The following INPP4B variants were observed in gnomAD, a reference collection of about 807,000 sequenced individuals.
INPP4B encodes inositol polyphosphate-4-phosphatase type II B.
Under a neutral mutation model 122.5 loss-of-function variants are expected in INPP4B, and 55 were observed. The observed-to-expected ratio is 0.45, with a 90% CI of 0.36 to 0.56. The LOEUF is 0.56. Among genes scored for constraint, INPP4B ranks in the 20% least tolerant of loss-of-function variants. The pLI is 0.00. For synonymous variants in INPP4B, 403 were observed against 388.7 expected, an observed-to-expected ratio of 1.04 and a Z score of -0.43; for missense variants, 1,000 against 1,097.7, an observed-to-expected ratio of 0.91 and a Z score of 1.26.
chr4:142,775,856 G>T (rs181221966), intron 1 of INPP4B, among the ~76,000 whole-genome samples: 197 of 152,138 alleles, frequency 1.3e-3, no homozygotes, highest in African/African-American at 4.3e-3. Flanking sequence ...TTTTGCAGAT[G>T]ATATTTTGAG....
chr4:142,249,024 G>A (rs1035599202), intron 11 of INPP4B, among the ~76,000 whole-genome samples: 3 of 151,884 alleles, frequency 2.0e-5, no homozygotes, highest in Admixed American at 1.3e-4. Context: ...ACAATAGTAG[G>A]TGGTTTAACC....
intron 10 of INPP4B, among the ~76,000 whole-genome samples, chr4:142,266,460 A>G (rs1742879231): frequency 1.3e-5 from 2 of 152,306 alleles, no homozygotes; most frequent in Admixed American, 1.3e-4. Context: ...AAATTGAAAG[A>G]AAATATTTGA....
chr4:142,321,192 T>A (rs919927782), intron 7 of INPP4B, among the ~76,000 whole-genome samples: 1 of 152,154 alleles, frequency 6.6e-6, no homozygotes, highest in Non-Finnish European at 1.5e-5. Context: ...CACATTGTAG[T>A]TTTGATTTGC....
intron 7 of INPP4B, among the ~76,000 whole-genome samples, chr4:142,363,459 A>C (rs1786254012): frequency 6.6e-6 from 1 of 151,954 alleles, no homozygotes; most frequent in Admixed American, 6.6e-5. Context: ...GCTCAGATAC[A>C]TTCCTTAATG....
At chr4:142,289,877 T>C (rs1412145133) in intron 9 of INPP4B, among the ~76,000 whole-genome samples, 1 of 152,176 alleles carries the variant, frequency 6.6e-6, no homozygotes, top group Non-Finnish European at 1.5e-5. Flanking sequence ...AATCTCACAT[T>C]ATTCATGCTG....
intron 2 of INPP4B, among the ~76,000 whole-genome samples, chr4:142,666,101 A>G (rs1756004801): frequency 1.3e-5 from 2 of 152,172 alleles, no homozygotes; most frequent in Admixed American, 6.5e-5. Context: ...CAAAATCACA[A>G]AAAAGGGGGA....
intron 5 of INPP4B, among the ~76,000 whole-genome samples, chr4:142,426,222 A>T (rs1808025935): frequency 6.6e-6 from 1 of 152,000 alleles, no homozygotes; most frequent in Non-Finnish European, 1.5e-5. Flanking sequence ...ACCTTAAAGT[A>T]GTTCATAGAA....
chr4:142,787,705 T>C (rs946377192), intron 1 of INPP4B, among the ~76,000 whole-genome samples: 39 of 151,956 alleles, frequency 2.6e-4, no homozygotes, highest in African/African-American at 9.2e-4. Context: ...AAGTAGTAAG[T>C]TGGTGTTTAA....
intron 7 of INPP4B, among the ~76,000 whole-genome samples, chr4:142,356,963 C>T (rs1020521178): frequency 5.3e-5 from 8 of 151,992 alleles, no homozygotes; most frequent in African/African-American, 1.9e-4. Flanking sequence ...GTTCAGAGTG[C>T]TTCCAGGCTG....
At chr4:142,558,243 C>CACTTATT (rs1729640366) in intron 2 of INPP4B, among the ~76,000 whole-genome samples, 1 of 152,132 alleles carries the variant, frequency 6.6e-6, no homozygotes, top group Admixed American at 6.5e-5. Flanking sequence ...GTACTCAGGT[C>CACTTATT]ACTTATTGTC....
intron 15 of INPP4B, among the ~76,000 whole-genome samples, chr4:142,183,587 C>T (rs1370439153): frequency 6.6e-6 from 1 of 151,898 alleles, no homozygotes; most frequent in Non-Finnish European, 1.5e-5. Context: ...CTGTATGCTG[C>T]CTTTGCAATG....
intron 2 of INPP4B, among the ~76,000 whole-genome samples, chr4:142,685,298 G>A (rs937708930): frequency 5.8e-5 from 8 of 138,686 alleles, no homozygotes; most frequent in Admixed American, 1.6e-4. Flanking sequence ...ATAGATCCTC[G>A]TTGACTGAAG....
intron 6 of INPP4B, among the ~76,000 whole-genome samples, chr4:142,404,344 C>T (rs772136626): frequency 9.9e-5 from 15 of 152,174 alleles, no homozygotes; most frequent in Non-Finnish European, 1.6e-4. Context: ...TACAGAGAAA[C>T]TCCTCATTCA....
At chr4:142,041,805 A>G (rs1747742186) in intron 25 of INPP4B, among the ~76,000 whole-genome samples, 1 of 152,200 alleles carries the variant, frequency 6.6e-6, no homozygotes, top group Admixed American at 6.5e-5. Context: ...TAGTTCAAAC[A>G]AACAGTTCCA....
At chr4:142,738,766 T>C (rs1214855410) in intron 1 of INPP4B, among the ~76,000 whole-genome samples, 2 of 152,112 alleles carry the variant, frequency 1.3e-5, no homozygotes, top group Non-Finnish European at 2.9e-5. Context: ...TTAGCTCCAG[T>C]GTGTAGCCTT....
chr4:142,464,752 A>G (rs1288309258), intron 2 of INPP4B, among the ~76,000 whole-genome samples: 1 of 152,200 alleles, frequency 6.6e-6, no homozygotes, highest in East Asian at 1.9e-4. Flanking sequence ...TGCTATATCA[A>G]ACTTTCACCA....
intron 18 of INPP4B, among the ~76,000 whole-genome samples, chr4:142,129,981 G>A (rs181503682): frequency 4.6e-5 from 7 of 152,264 alleles, no homozygotes; most frequent in African/African-American, 1.7e-4. Flanking sequence ...AGAAGGAAAG[G>A]TAAGAAGTAC....
chr4:142,510,410 A>C (rs1188619508), intron 2 of INPP4B, among the ~76,000 whole-genome samples: 1 of 152,236 alleles, frequency 6.6e-6, no homozygotes, highest in Non-Finnish European at 1.5e-5. Context: ...ATTTACTAAA[A>C]AAGAAGTTAT....
intron 12 of INPP4B, among the ~76,000 whole-genome samples, chr4:142,214,592 G>A (rs756562711): frequency 3.3e-5 from 5 of 152,210 alleles, no homozygotes; most frequent in South Asian, 2.1e-4. Flanking sequence ...TCGCTCTGCC[G>A]CCCAGGCTGA....
Sources: allele counts gnomAD v4.1 joint callset (sites outside exome capture counted in the v4.1 genomes callset), GRCh38; gene constraint gnomAD v4.1.1; transcripts MANE v1.5; gene names NCBI Gene and HGNC (gene_info 2026-07-23, HGNC 2026-07-21).